RBFOX1: variants seen among roughly 807,000 people sequenced by gnomAD.
RBFOX1 encodes the protein RNA binding protein fox-1 homolog 1.
A neutral mutation model predicts 57.7 loss-of-function variants in RBFOX1; 8 were observed. That is an observed-to-expected ratio of 0.14 (90% CI 0.08 to 0.25). The LOEUF is 0.25. Among genes scored for constraint, RBFOX1 ranks in the 10% least tolerant of loss-of-function variants. RBFOX1 has a pLI of 1.00. For missense variants in RBFOX1, 611 were observed against 548.5 expected, an observed-to-expected ratio of 1.11 and a Z score of -1.14; for synonymous variants, 326 against 222.4, an observed-to-expected ratio of 1.47 and a Z score of -4.15.
chr16:7,161,211 AG>A (rs1409232552), intron 4 of RBFOX1, among the ~76,000 whole-genome samples: 2 of 152,164 alleles, frequency 1.3e-5, no homozygotes, highest in Admixed American at 6.5e-5. Context: ...GATGATGATG[AG>A]GTCATAGGCA....
At chr16:7,264,584 C>A (rs1161352833) in intron 4 of RBFOX1, among the ~76,000 whole-genome samples, 1 of 152,180 alleles carries the variant, frequency 6.6e-6, no homozygotes, top group African/African-American at 2.4e-5. Flanking sequence ...AGATAGATAA[C>A]ATGCAAAGAA....
chr16:6,601,736 G>T (rs992323973), intron 2 of RBFOX1, among the ~76,000 whole-genome samples: 1 of 151,982 alleles, frequency 6.6e-6, no homozygotes, highest in African/African-American at 2.4e-5. Context: ...TATTTGTTGA[G>T]GTCAAGAGCA....
chr16:5,527,336 G>A (rs946314613), intron 2 of RBFOX1, among the ~76,000 whole-genome samples: 4 of 152,158 alleles, frequency 2.6e-5, no homozygotes, highest in Non-Finnish European at 4.4e-5. Flanking sequence ...ACTGGGAAAT[G>A]GAGTTCGTAG....
intron 2 of RBFOX1, among the ~76,000 whole-genome samples, chr16:5,504,495 C>G (rs571011171): frequency 2.0e-5 from 3 of 152,238 alleles, no homozygotes; most frequent in Non-Finnish European, 2.9e-5. Flanking sequence ...TGTCCACACA[C>G]GCACGATCAT....
chr16:7,684,786 C>G (rs1393769227), intron 14 of RBFOX1, among the ~76,000 whole-genome samples: 2 of 152,036 alleles, frequency 1.3e-5, no homozygotes, highest in African/African-American at 4.8e-5. Context: ...TGACTACTAC[C>G]AAACAGAATA....
chr16:5,935,086 C>T (rs116809530), intron 4 of RBFOX1, among the ~76,000 whole-genome samples: 426 of 152,324 alleles, frequency 2.8e-3, no homozygotes, highest in African/African-American at 0.01. Context: ...CTGCCTTCAG[C>T]CAACTCTTTT....
At chr16:5,698,093 C>G (rs1042495575) in intron 3 of RBFOX1, among the ~76,000 whole-genome samples, 5 of 152,030 alleles carry the variant, frequency 3.3e-5, no homozygotes, top group Non-Finnish European at 5.9e-5. Flanking sequence ...ATTATTTTAT[C>G]ATGATGTATT....
chr16:5,629,290 A>G (rs1219901833), intron 3 of RBFOX1, among the ~76,000 whole-genome samples: 4 of 152,174 alleles, frequency 2.6e-5, no homozygotes, highest in Non-Finnish European at 4.4e-5. Flanking sequence ...TTCAATATTT[A>G]ACAACATTTA....
chr16:7,116,700 T>G (rs2065973854), intron 4 of RBFOX1, among the ~76,000 whole-genome samples: 1 of 152,182 alleles, frequency 6.6e-6, no homozygotes, highest in South Asian at 2.1e-4. Context: ...TTATTCTGTT[T>G]ACTGTTAAGG....
At chr16:6,919,495 A>G (rs989713722) in intron 3 of RBFOX1, among the ~76,000 whole-genome samples, 1 of 152,038 alleles carries the variant, frequency 6.6e-6, no homozygotes, top group Non-Finnish European at 1.5e-5. Context: ...ACTAATAAAG[A>G]GTAGACCTGG....
At chr16:7,512,307 G>A (rs1431270039) in intron 4 of RBFOX1, among the ~76,000 whole-genome samples, 2 of 152,168 alleles carry the variant, frequency 1.3e-5, no homozygotes, top group African/African-American at 4.8e-5. Flanking sequence ...TAATGTCAGT[G>A]TATTTTTCCA....
chr16:7,059,460 T>C (rs1424283288), intron 4 of RBFOX1, among the ~76,000 whole-genome samples: 3 of 152,186 alleles, frequency 2.0e-5, no homozygotes, highest in African/African-American at 7.2e-5. Context: ...AATAATATAC[T>C]AAAACTTGCA....
intron 3 of RBFOX1, among the ~76,000 whole-genome samples, chr16:5,681,626 C>T (rs1022087167): frequency 1.3e-5 from 2 of 152,010 alleles, no homozygotes; most frequent in African/African-American, 2.4e-5. Flanking sequence ...CTCCCGACCT[C>T]AGGTGATCCA....
intron 2 of RBFOX1, among the ~76,000 whole-genome samples, chr16:5,585,902 T>G (rs2046814595): frequency 6.6e-6 from 1 of 152,218 alleles, no homozygotes; most frequent in South Asian, 2.1e-4. Flanking sequence ...CCAAAAGATT[T>G]GCTCAAGTTC....
At chr16:7,344,357 TTTATA>T (rs2096954527) in intron 4 of RBFOX1, among the ~76,000 whole-genome samples, 1 of 150,272 alleles carries the variant, frequency 6.7e-6, no homozygotes, top group African/African-American at 2.4e-5. Context: ...TATTTTATAT[TTTATA>T]TTATTTGTAT....
chr16:6,829,489 A>AC (rs1193838277), intron 3 of RBFOX1, among the ~76,000 whole-genome samples: 3 of 151,168 alleles, frequency 2.0e-5, no homozygotes, highest in Non-Finnish European at 4.4e-5. Flanking sequence ...ATTAAAAAAA[A>AC]AAAAAACAAA....
intron 2 of RBFOX1, among the ~76,000 whole-genome samples, chr16:6,402,232 C>T (rs1229856503): frequency 6.6e-6 from 1 of 152,054 alleles, no homozygotes; most frequent in Non-Finnish European, 1.5e-5. Flanking sequence ...ATAGGAATGA[C>T]CCTGACATTC....
At chr16:5,538,055 C>G (rs1417621189) in intron 2 of RBFOX1, among the ~76,000 whole-genome samples, 1 of 152,086 alleles carries the variant, frequency 6.6e-6, no homozygotes, top group Non-Finnish European at 1.5e-5. Flanking sequence ...ACACACGAGC[C>G]TGGAGCCCCA....
chr16:5,835,038 A>G (rs184604751), intron 3 of RBFOX1, among the ~76,000 whole-genome samples: 2 of 152,284 alleles, frequency 1.3e-5, no homozygotes, highest in Admixed American at 6.5e-5. Context: ...TCAGTAAACA[A>G]TAGATATTGG....
Sources: gnomAD v4.1 joint callset for allele counts (sites outside exome capture counted in the v4.1 genomes callset) on GRCh38, gnomAD v4.1.1 for gene constraint, MANE v1.5 for transcripts, NCBI Gene and HGNC (gene_info 2026-07-23, HGNC 2026-07-21) for gene names.